SPATA13: variants seen among roughly 807,000 people sequenced by gnomAD.
SPATA13 encodes spermatogenesis associated 13.
A neutral mutation model predicts 104.0 loss-of-function variants in SPATA13; 50 were observed. That is an observed-to-expected ratio of 0.48 (90% CI 0.38 to 0.61). SPATA13 has a LOEUF of 0.61. Among genes scored for constraint, SPATA13 ranks in the 20% least tolerant of loss-of-function variants. The probability of loss-of-function intolerance (pLI) is 0.00; values close to 1 mark genes in which losing one functional copy is unlikely to be tolerated. For missense variants in SPATA13, 1,524 were observed against 1,690.6 expected (o/e 0.90, Z 1.73); for synonymous variants, 606 against 667.5 (o/e 0.91, Z 1.42).
In SPATA13 at chr13:24,205,783, A is replaced by T. The variant is rs527373553; in HGVS notation, c.-111-17036A>T. Among the ~76,000 whole-genome samples the T allele has an allele frequency of 2.0e-5, 3 of 152,290 alleles. No individual in the cohort carries two copies. The highest frequency in any genetic ancestry group is 4.1e-4 in the South Asian group (2 of 4,822). ...AGAGAACCCAGAAATAAGATCACAC[A>T]CCTACAACTATCTGACCTTTGACAA... On this transcript the variant is annotated intron_variant, in intron 1 of 12. Coordinates refer to ENST00000382108, the MANE Select transcript of SPATA13 (RefSeq NM_001166271.3). This position sits in a 1 kb window ranked among gnomAD's most constrained non-coding sequence, Gnocchi z 4.1.
intron 1 of SPATA13, among the ~76,000 whole-genome samples, chr13:24,189,152 T>G (rs181643652): frequency 6.6e-6 from 1 of 152,298 alleles, no homozygotes; most frequent in East Asian, 1.9e-4. Flanking sequence ...AGGAGTAATT[T>G]TGACTCTGAT....
intron 1 of SPATA13, among the ~76,000 whole-genome samples, chr13:24,215,197 C>A (rs1871211977): frequency 6.6e-6 from 1 of 152,216 alleles, no homozygotes; most frequent in Admixed American, 6.5e-5. Context: ...TTGGTGGCAT[C>A]ATGTCACATG....
intron 2 of SPATA13, among the ~76,000 whole-genome samples, chr13:23,992,496 C>T (rs912714807): frequency 2.6e-5 from 4 of 152,094 alleles, no homozygotes; most frequent in South Asian, 2.1e-4. Flanking sequence ...CTCTGCTCCA[C>T]GAAGTCTTCA....
At chr13:24,170,323 A>G (rs1454864149) in intron 1 of SPATA13, among the ~76,000 whole-genome samples, 2 of 152,226 alleles carry the variant, frequency 1.3e-5, no homozygotes, top group Non-Finnish European at 2.9e-5. Flanking sequence ...ATTCAGTTTC[A>G]GTGCATGCCC....
At chr13:24,143,719 C>A (rs1881838653) in intron 3 of SPATA13, among the ~76,000 whole-genome samples, 1 of 152,146 alleles carries the variant, frequency 6.6e-6, no homozygotes. Context: ...GAACATCTAA[C>A]AGTGGGGGCT....
chr13:24,241,398 G>C (rs1170160860), intron 2 of SPATA13, among the ~76,000 whole-genome samples: 1 of 152,238 alleles, frequency 6.6e-6, no homozygotes, highest in Non-Finnish European at 1.5e-5. Flanking sequence ...GTGCAGCAGA[G>C]CCATCTTGAA....
At chr13:24,105,065 A>C (rs1324831992) in intron 3 of SPATA13, among the ~76,000 whole-genome samples, 1 of 152,068 alleles carries the variant, frequency 6.6e-6, no homozygotes, top group African/African-American at 2.4e-5. Flanking sequence ...TGAACTCCAC[A>C]CATTTTATTC....
intron 3 of SPATA13, among the ~76,000 whole-genome samples, chr13:24,111,802 T>A (rs938619079): frequency 2.0e-5 from 3 of 152,248 alleles, no homozygotes; most frequent in Admixed American, 6.5e-5. Flanking sequence ...ATAGCTATTT[T>A]AAAATAGATT....
At chr13:24,260,835 A>T (rs1250933519) in intron 4 of SPATA13, among the ~76,000 whole-genome samples, 5 of 152,250 alleles carry the variant, frequency 3.3e-5, no homozygotes, top group Non-Finnish European at 1.5e-5. Flanking sequence ...GCAGAATTCT[A>T]GTCAGTTGAT....
chr13:24,051,591 T>C lies in SPATA13; in HGVS notation c.-112+33890T>C, dbSNP rs1446155869. Reference sequence around the variant, plus strand: ...GTAAATGCTTCCTCCGTCTCCCTGCTGGTCTAGTAGAGTGGAGCCAGCGGA... The same window carrying C: ...GTAAATGCTTCCTCCGTCTCCCTGCCGGTCTAGTAGAGTGGAGCCAGCGGA... On this transcript the variant is annotated intron_variant, in intron 3 of 14. Coordinates refer to the SPATA13 transcript ENST00000424834. This position sits in a 1 kb window ranked among gnomAD's most constrained non-coding sequence, Gnocchi z 4.2. 1.3e-5 allele frequency among the ~76,000 whole-genome samples: 2 copies of C among 151,878 alleles called. No homozygotes were observed. The highest frequency in any genetic ancestry group is 2.9e-5 in the Non-Finnish European group (2 of 67,974).
At chr13:24,019,111 C>T (rs1190618587) in intron 3 of SPATA13, among the ~76,000 whole-genome samples, 6 of 125,216 alleles carry the variant, frequency 4.8e-5, no homozygotes, top group Admixed American at 1.6e-4. Flanking sequence ...TTTTTTGAGA[C>T]GGAGTCTCGC....
At chr13:24,254,699 G>A (rs78683705) in intron 4 of SPATA13, among the ~76,000 whole-genome samples, 3 of 152,202 alleles carry the variant, frequency 2.0e-5, no homozygotes, top group African/African-American at 7.2e-5. Context: ...GCAAGGGGCT[G>A]TCTGGTTCCT....
At chr13:24,231,448 G>A (rs1489852723) in intron 2 of SPATA13, among the ~76,000 whole-genome samples, 2 of 152,148 alleles carry the variant, frequency 1.3e-5, no homozygotes, top group African/African-American at 4.8e-5. Flanking sequence ...CCTTGTTAAG[G>A]CTGCGTAATA....
intron 3 of SPATA13, among the ~76,000 whole-genome samples, chr13:24,048,916 A>C (rs1055637773): frequency 6.6e-6 from 1 of 152,220 alleles, no homozygotes; most frequent in African/African-American, 2.4e-5. Flanking sequence ...TAAAACTACA[A>C]GTTAGAATTC....
chr13:24,123,202 C>A (rs2077899), intron 3 of SPATA13: 790,685 of 1,498,588 alleles, frequency 0.53, 212,194 homozygotes, highest in Admixed American at 0.59. Flanking sequence ...GTGATATATT[C>A]TTTAGCTTTT....
intron 3 of SPATA13, among the ~76,000 whole-genome samples, chr13:24,065,389 T>TC (rs1219866903): frequency 1.3e-5 from 2 of 152,064 alleles, no homozygotes; most frequent in Non-Finnish European, 2.9e-5. Context: ...CTGCTTATGT[T>TC]CCTCCACTGC....
intron 10 of SPATA13, among the ~76,000 whole-genome samples, chr13:24,295,913 A>C (rs2138763709): frequency 6.6e-6 from 1 of 152,312 alleles, no homozygotes; most frequent in Middle Eastern, 3.4e-3. Flanking sequence ...CAAAAGTAGC[A>C]GAGCTGGATT....
At chr13:24,267,978 C>T (rs1324800985) in intron 4 of SPATA13, among the ~76,000 whole-genome samples, 5 of 152,210 alleles carry the variant, frequency 3.3e-5, no homozygotes, top group Admixed American at 6.5e-5. Flanking sequence ...TGGGGCAGGG[C>T]CCAGGAATCT....
At chr13:24,116,501 C>T (rs1003079873) in intron 3 of SPATA13, among the ~76,000 whole-genome samples, 4 of 152,166 alleles carry the variant, frequency 2.6e-5, no homozygotes, top group Non-Finnish European at 5.9e-5. Flanking sequence ...ATTTCCTGAG[C>T]CCATGCTTTC....
Sources: allele counts gnomAD v4.1 joint callset (sites outside exome capture counted in the v4.1 genomes callset), GRCh38; gene constraint gnomAD v4.1.1; non-coding constraint Gnocchi (gnomAD v3.1); transcripts MANE v1.5; gene names NCBI Gene and HGNC (gene_info 2026-07-23, HGNC 2026-07-21).